BABAM2: variants seen among roughly 807,000 people sequenced by gnomAD.
BABAM2 encodes the protein BRISC and BRCA1-A complex member 2.
In BABAM2, 31 loss-of-function variants were observed where a neutral mutation model predicts 54.7. The observed-to-expected ratio is 0.57, with a 90% CI of 0.43 to 0.77. The LOEUF is 0.77. Ranked by LOEUF, BABAM2 falls within the 30% of genes least tolerant of loss-of-function variation. The probability of loss-of-function intolerance (pLI) is 0.00; values close to 1 mark genes in which losing one functional copy is unlikely to be tolerated. For missense variants in BABAM2, 364 were observed against 455.8 expected (o/e 0.80, Z 1.83); for synonymous variants, 167 against 162.9 (o/e 1.03, Z -0.19).
chr2:28,157,185 A>G (rs974777240), intron 7 of BABAM2, among the ~76,000 whole-genome samples: 2 of 152,224 alleles, frequency 1.3e-5, no homozygotes, highest in African/African-American at 4.8e-5. Flanking sequence ...AAACTAAAGA[A>G]AAGTATCATT....
Position 28,025,336 on chromosome 2 carries a change from C to T in BABAM2, c.411C>T (p.Arg137=), listed in dbSNP as rs1231787366. The change falls in exon 5 of 12, where the codon CGC becomes CGT. Residue 137 remains arginine, a synonymous_variant. Coordinates refer to ENST00000379624, the MANE Select transcript of BABAM2 (RefSeq NM_199191.3). ...GTAGCCGCCTCCGGGAGAGCTCCCG[C>T]CTCATGTTTGAATACCAGACATTAC... ...FQCSRLRESS[R]LMFEYQTLLE... is the part of the protein sequence containing the mutation. The T allele has an allele frequency of 2.5e-6, 4 of 1,613,078 alleles. No homozygotes were observed. The South Asian group carries it at 4.4e-5, about 18-fold the overall frequency.
intron 3 of BABAM2, among the ~76,000 whole-genome samples, chr2:27,938,377 CA>C (rs1259965003): frequency 1.3e-5 from 2 of 151,736 alleles, no homozygotes; most frequent in Non-Finnish European, 2.9e-5. Flanking sequence ...ACTATCACAG[CA>C]AACAGAAAAG....
intron 7 of BABAM2, among the ~76,000 whole-genome samples, chr2:28,181,477 A>G (rs1446690769): frequency 6.6e-6 from 1 of 152,212 alleles, no homozygotes; most frequent in Non-Finnish European, 1.5e-5. Flanking sequence ...GTTAGAAGGA[A>G]TAAATTCTAA....
intron 4 of BABAM2, among the ~76,000 whole-genome samples, chr2:28,015,007 A>G (rs150083247): frequency 6.6e-6 from 1 of 152,352 alleles, no homozygotes; most frequent in African/African-American, 2.4e-5. Flanking sequence ...AAAAATATTC[A>G]TTATTATTGA....
chr2:28,026,853 T>A (rs13412609), intron 5 of BABAM2, among the ~76,000 whole-genome samples: 128 of 12,690 alleles, frequency 0.01, no homozygotes, highest in African/African-American at 0.022. Flanking sequence ...AATATATATT[T>A]ATATATATAG....
At chr2:28,126,235 T>G (rs1190997286) in intron 6 of BABAM2, among the ~76,000 whole-genome samples, 1 of 151,396 alleles carries the variant, frequency 6.6e-6, no homozygotes, top group Non-Finnish European at 1.5e-5. Flanking sequence ...GCTGGTGTGC[T>G]GCACCCATTA....
At chr2:28,283,168 T>C (rs35823029) in intron 10 of BABAM2, among the ~76,000 whole-genome samples, 1 of 152,118 alleles carries the variant, frequency 6.6e-6, no homozygotes, top group East Asian at 1.9e-4. Flanking sequence ...TTAAATACAG[T>C]GGCCTTGTAG....
At chr2:28,048,395 GTGAA>G (rs1677757598) in intron 6 of BABAM2, among the ~76,000 whole-genome samples, 1 of 152,200 alleles carries the variant, frequency 6.6e-6, no homozygotes, top group Admixed American at 6.5e-5. Flanking sequence ...AGGGGATAGA[GTGAA>G]TTTATTCTGA....
chr2:28,145,960 T>C (rs1259754716), intron 7 of BABAM2, among the ~76,000 whole-genome samples: 1 of 152,250 alleles, frequency 6.6e-6, no homozygotes. Context: ...ATATACCACA[T>C]TTGATTTATC....
At chr2:28,270,897 C>G (rs1305647612) in intron 10 of BABAM2, among the ~76,000 whole-genome samples, 2 of 152,204 alleles carry the variant, frequency 1.3e-5, no homozygotes, top group Admixed American at 1.3e-4. Flanking sequence ...CTTGCTTTAT[C>G]TTACTCACAC....
intron 11 of BABAM2, among the ~76,000 whole-genome samples, chr2:28,316,651 C>A (rs1415012476): frequency 6.6e-6 from 1 of 152,098 alleles, no homozygotes; most frequent in African/African-American, 2.4e-5. Context: ...TCATAGAATA[C>A]GAGCACGTCT....
At chr2:28,295,045 T>C (rs1687571529) in intron 10 of BABAM2, among the ~76,000 whole-genome samples, 1 of 152,258 alleles carries the variant, frequency 6.6e-6, no homozygotes, top group Non-Finnish European at 1.5e-5. Context: ...ACAACTCACT[T>C]GCCCAGGTAG....
intron 10 of BABAM2, among the ~76,000 whole-genome samples, chr2:28,266,799 T>A (rs1383248485): frequency 3.3e-5 from 5 of 152,256 alleles, no homozygotes; most frequent in Non-Finnish European, 5.9e-5. Context: ...ACCATATAAG[T>A]CTTTCATGGT....
At chr2:27,939,818 G>T (rs1273777940) in intron 3 of BABAM2, among the ~76,000 whole-genome samples, 1 of 152,162 alleles carries the variant, frequency 6.6e-6, no homozygotes, top group East Asian at 1.9e-4. Flanking sequence ...CAGTTAATGA[G>T]AATGAGAATG....
chr2:28,329,335 C>T lies in BABAM2; in HGVS notation c.1089-9115C>T, dbSNP rs982424559. Among the ~76,000 whole-genome samples the T allele has an allele frequency of 6.6e-6, 1 of 152,168 alleles. No homozygotes were observed. The highest frequency in any genetic ancestry group is 2.4e-5 in the African/African-American group (1 of 41,440). On this transcript the variant is annotated intron_variant, in intron 11 of 11. Coordinates refer to ENST00000379624, the MANE Select transcript of BABAM2 (RefSeq NM_199191.3). The surrounding 1 kb of genome is among the most constrained non-coding windows in gnomAD (Gnocchi z 4.2). ...ATAAAACTATGCAGATGGAAACGAT[C>T]CAATAATAACCCAACTACTCCCACC...
At chr2:28,071,167 T>C (rs1215715808) in intron 6 of BABAM2, among the ~76,000 whole-genome samples, 1 of 152,170 alleles carries the variant, frequency 6.6e-6, no homozygotes, top group Non-Finnish European at 1.5e-5. Context: ...CCCTCGACAT[T>C]CTTTGTCTTC....
intron 7 of BABAM2, among the ~76,000 whole-genome samples, chr2:28,163,970 A>T (rs1003487873): frequency 6.6e-6 from 1 of 152,190 alleles, no homozygotes; most frequent in African/African-American, 2.4e-5. Context: ...TGGTACTGAA[A>T]ACTGAAGATG....
At chr2:28,279,787 T>C (rs1264629157) in intron 10 of BABAM2, among the ~76,000 whole-genome samples, 1 of 147,650 alleles carries the variant, frequency 6.8e-6, no homozygotes, top group African/African-American at 2.5e-5. Flanking sequence ...TGCCTCAGCC[T>C]CCCGAGTAGC....
chr2:27,898,375 G>A (rs1489795352), intron 2 of BABAM2, among the ~76,000 whole-genome samples: 1 of 152,112 alleles, frequency 6.6e-6, no homozygotes, highest in African/African-American at 2.4e-5. Flanking sequence ...AATGGGGTGA[G>A]CTTGGAGAAA....
Sources: gnomAD v4.1 joint callset for allele counts (sites outside exome capture counted in the v4.1 genomes callset) on GRCh38, gnomAD v4.1.1 for gene constraint, Gnocchi (gnomAD v3.1) non-coding constraint, MANE v1.5 for transcripts, NCBI Gene and HGNC (gene_info 2026-07-23, HGNC 2026-07-21) for gene names.